PEAK1: variants seen among roughly 807,000 people sequenced by gnomAD.
PEAK1 encodes the protein inactive tyrosine-protein kinase PEAK1.
A neutral mutation model predicts 124.7 loss-of-function variants in PEAK1; 54 were observed. The ratio of observed to expected loss-of-function variants is 0.43; its 90% CI spans 0.35 to 0.54. The LOEUF (loss-of-function observed/expected upper bound fraction) is 0.54. Among genes scored for constraint, PEAK1 ranks in the 20% least tolerant of loss-of-function variants. PEAK1 has a pLI of 0.01. For synonymous variants in PEAK1, 719 were observed against 760.0 expected (o/e 0.95, Z 0.89); for missense variants, 2,046 against 2,134.5 (o/e 0.96, Z 0.82).
At chr15:77,235,578 A>C (rs2060084186) in intron 6 of PEAK1, among the ~76,000 whole-genome samples, 1 of 152,230 alleles carries the variant, frequency 6.6e-6, no homozygotes, top group Admixed American at 6.5e-5. Context: ...GGTTTGGAAA[A>C]TTTGCAGCCT....
intron 9 of PEAK1, among the ~76,000 whole-genome samples, chr15:77,119,710 C>T (rs2051736278): frequency 6.6e-6 from 1 of 152,214 alleles, no homozygotes; most frequent in South Asian, 2.1e-4. Flanking sequence ...TCATGCACAA[C>T]CTGAAAAGTT....
At chr15:77,246,189 AG>A (rs2060577373) in intron 6 of PEAK1, among the ~76,000 whole-genome samples, 1 of 152,064 alleles carries the variant, frequency 6.6e-6, no homozygotes, top group Admixed American at 6.5e-5. Flanking sequence ...TTGTATTTTT[AG>A]TAGAGACAAG....
chr15:77,233,044 G>A (rs1241556472), intron 6 of PEAK1, among the ~76,000 whole-genome samples: 1 of 152,136 alleles, frequency 6.6e-6, no homozygotes, highest in Non-Finnish European at 1.5e-5. Flanking sequence ...ACCGCACCCG[G>A]TCCTTTTTTC....
chr15:77,317,986 C>T (rs2064978763), intron 2 of PEAK1, among the ~76,000 whole-genome samples: 1 of 152,058 alleles, frequency 6.6e-6, no homozygotes, highest in African/African-American at 2.4e-5. Context: ...GATGACATTT[C>T]AGAAATGGAA....
intron 2 of PEAK1, among the ~76,000 whole-genome samples, chr15:77,340,898 GA>G (rs1270419268): frequency 1.3e-5 from 2 of 151,236 alleles, no homozygotes; most frequent in Admixed American, 6.6e-5. Context: ...CTCAAGTTCA[GA>G]AATTGGCCAG....
At chr15:77,215,581 G>T (rs1265561763) in intron 6 of PEAK1, among the ~76,000 whole-genome samples, 1 of 152,148 alleles carries the variant, frequency 6.6e-6, no homozygotes, top group Non-Finnish European at 1.5e-5. Context: ...ACAATAAAAA[G>T]TCTGTACATG....
At chr15:77,386,578 G>T (rs559627226) in intron 1 of PEAK1, among the ~76,000 whole-genome samples, 1 of 152,228 alleles carries the variant, frequency 6.6e-6, no homozygotes, top group Admixed American at 6.5e-5. Context: ...TAAAAAAATA[G>T]AAAGGGCTAT....
chr15:77,371,508 TACCACC>T (rs71145817), intron 1 of PEAK1: 444,939 of 673,922 alleles, frequency 0.66, 159,225 homozygotes, highest in Non-Finnish European at 0.69. Context: ...ACTACACACA[TACCACC>T]ACCACCACCA....
intron 8 of PEAK1, among the ~76,000 whole-genome samples, chr15:77,141,078 T>G (rs1336005092): frequency 1.3e-5 from 2 of 152,124 alleles, no homozygotes; most frequent in Non-Finnish European, 2.9e-5. Flanking sequence ...ACATCCAGAT[T>G]GTAAAGAGGA....
chr15:77,151,461 GC>G (rs2054619348), intron 8 of PEAK1, among the ~76,000 whole-genome samples: 1 of 152,180 alleles, frequency 6.6e-6, no homozygotes, highest in South Asian at 2.1e-4. Flanking sequence ...TTTGTAGGTT[GC>G]CTGTTCACTC....
rs1230577248 is a variant in PEAK1 at position 77,248,028 on chromosome 15, CT to C, written c.-115+4338del. ...ATTTCCTGGCATAATTTGTGCAGAA[CT>C]GATATTATTAAATATTTCCTTGGTA... is the stretch of plus-strand genomic sequence containing the variant. On this transcript the variant is annotated intron_variant, in intron 6 of 9. Transcript: ENST00000682557. Among the ~76,000 whole-genome samples, 3 of 152,032 alleles carry C rather than the reference CT, an allele frequency of 2.0e-5. No individual in the cohort carries two copies. In the East Asian group the frequency reaches 5.8e-4, roughly 29 times the overall value.
At chr15:77,169,286 T>C (rs2056340864) in intron 7 of PEAK1, among the ~76,000 whole-genome samples, 1 of 152,172 alleles carries the variant, frequency 6.6e-6, no homozygotes, top group African/African-American at 2.4e-5. Flanking sequence ...ATGAAAACAA[T>C]TATTTACGTA....
In PEAK1 at chr15:77,180,141, T is replaced by A; in HGVS notation, c.1786A>T (p.Asn596Tyr). The change falls in exon 7 of 10, where the codon AAT becomes TAT. Residue 596 changes from asparagine to tyrosine, a missense_variant. Asn to Tyr is a moderately radical substitution (Grantham distance 143). Transcript: ENST00000682557. Reference protein sequence around the residue: ...KSPNLSEIKFNSYNNAGMPPF... With the variant: ...KSPNLSEIKFYSYNNAGMPPF... Reference sequence around the variant, plus strand: ...GGCATACCAGCATTGTTATAACTATTAAATTTAATTTCAGACAAATTAGGT... The same window carrying A: ...GGCATACCAGCATTGTTATAACTATAAAATTTAATTTCAGACAAATTAGGT... The A allele has an allele frequency of 6.2e-7, 1 of 1,614,142 alleles. No individual in the cohort carries two copies. The highest frequency in any genetic ancestry group is 8.5e-7 in the Non-Finnish European group (1 of 1,179,980).
intron 1 of PEAK1, among the ~76,000 whole-genome samples, chr15:77,413,300 T>C (rs1247294950): frequency 6.6e-6 from 1 of 152,210 alleles, no homozygotes; most frequent in Non-Finnish European, 1.5e-5. Flanking sequence ...TCCCTTTAAG[T>C]GTGGGCTACA....
chr15:77,202,435 A>C (rs953375154), intron 6 of PEAK1, among the ~76,000 whole-genome samples: 3 of 152,108 alleles, frequency 2.0e-5, no homozygotes, highest in African/African-American at 4.8e-5. Flanking sequence ...TTTTTACAAA[A>C]AAGTAAACTA....
intron 7 of PEAK1, among the ~76,000 whole-genome samples, chr15:77,161,698 C>T (rs556678373): frequency 6.0e-4 from 91 of 152,192 alleles, no homozygotes; most frequent in Middle Eastern, 3.4e-3. Flanking sequence ...AGAGGCCAGG[C>T]GCAGTGGCTC....
At chr15:77,321,562 T>C (rs1049103121) in intron 2 of PEAK1, among the ~76,000 whole-genome samples, 1 of 152,244 alleles carries the variant, frequency 6.6e-6, no homozygotes, top group African/African-American at 2.4e-5. Flanking sequence ...ATTAGCCCTT[T>C]GTCAGATGAG....
intron 5 of PEAK1, among the ~76,000 whole-genome samples, chr15:77,261,549 C>T (rs558899648): frequency 4.4e-4 from 66 of 148,558 alleles, no homozygotes; most frequent in African/African-American, 1.0e-3. Context: ...GAATGAAATG[C>T]GAGTTTAGAA....
chr15:77,319,405 CAT>C, intron 2 of PEAK1, among the ~76,000 whole-genome samples: 1 of 152,246 alleles, frequency 6.6e-6, no homozygotes. Flanking sequence ...TGATTATACT[CAT>C]TATCTCTGAA....
Sources: allele counts gnomAD v4.1 joint callset (sites outside exome capture counted in the v4.1 genomes callset), GRCh38; gene constraint gnomAD v4.1.1; transcripts MANE v1.5; gene names NCBI Gene and HGNC (gene_info 2026-07-23, HGNC 2026-07-21).